Variants in EPB41L2 observed in about 807,000 individuals in gnomAD.
EPB41L2 encodes the protein band 4.1-like protein 2.
In EPB41L2, 43 loss-of-function variants were observed where a neutral mutation model predicts 113.0. The ratio of observed to expected loss-of-function variants is 0.38; its 90% confidence interval spans 0.30 to 0.49. The LOEUF (loss-of-function observed/expected upper bound fraction) is 0.49. Among genes scored for constraint, EPB41L2 ranks in the 20% least tolerant of loss-of-function variants. The pLI, the probability that EPB41L2 is intolerant of heterozygous loss-of-function variation, is 0.95. For missense variants in EPB41L2, 1,147 were observed against 1,223.4 expected (o/e 0.94, Z 0.93); for synonymous variants, 442 against 436.7 (o/e 1.01, Z -0.15).
chr6:130,971,068 C>T (rs545916849), intron 1 of EPB41L2, among the ~76,000 whole-genome samples: 6 of 152,054 alleles, frequency 3.9e-5, no homozygotes, highest in Admixed American at 6.6e-5. Context: ...GATTTTTTTA[C>T]GTTTTTGTAG....
At chr6:130,872,864 C>A (rs1786217495) in intron 14 of EPB41L2, among the ~76,000 whole-genome samples, 1 of 152,206 alleles carries the variant, frequency 6.6e-6, no homozygotes, top group South Asian at 2.1e-4. Flanking sequence ...CCTTTCTCTG[C>A]ACGGAATGGC....
intron 3 of EPB41L2, among the ~76,000 whole-genome samples, chr6:130,952,809 C>CAA (rs200951794): frequency 7.8e-5 from 11 of 140,800 alleles, no homozygotes; most frequent in South Asian, 6.7e-4. Context: ...GACTCCATCT[C>CAA]AAAAAAAAAA....
chr6:130,882,885 C>G (rs1197642066), intron 12 of EPB41L2: 1 of 152,732 alleles, frequency 6.5e-6, no homozygotes, highest in Non-Finnish European at 1.5e-5. Flanking sequence ...TCGTCAGCTG[C>G]TTTAAGAGTC....
chr6:130,853,004 A>T (rs1779199757), intron 19 of EPB41L2, among the ~76,000 whole-genome samples: 1 of 152,188 alleles, frequency 6.6e-6, no homozygotes, highest in South Asian at 2.1e-4. Flanking sequence ...TTCCCATTAC[A>T]CGAGGTTCAG....
chr6:131,060,319 G>A (rs1385139670), intron 1 of EPB41L2, among the ~76,000 whole-genome samples: 5 of 152,188 alleles, frequency 3.3e-5, no homozygotes, highest in Admixed American at 3.3e-4. Flanking sequence ...AATATGAGAG[G>A]GGTGATTCAG....
chr6:131,013,048 C>T (rs1353563946), intron 1 of EPB41L2, among the ~76,000 whole-genome samples: 1 of 152,094 alleles, frequency 6.6e-6, no homozygotes, highest in African/African-American at 2.4e-5. Flanking sequence ...AGCTATTTCC[C>T]CTATCCAGAG....
At chr6:130,994,304 C>A (rs1455810092) in intron 1 of EPB41L2, among the ~76,000 whole-genome samples, 1 of 152,068 alleles carries the variant, frequency 6.6e-6, no homozygotes, top group East Asian at 1.9e-4. Flanking sequence ...AAGCTGAGAC[C>A]CAGAAAAACC....
chr6:131,050,427 T>C (rs556736135), intron 1 of EPB41L2, among the ~76,000 whole-genome samples: 17 of 152,188 alleles, frequency 1.1e-4, no homozygotes, highest in Non-Finnish European at 2.2e-4. Context: ...ACATCTTCTA[T>C]ATTAATGCAT....
intron 10 of EPB41L2, among the ~76,000 whole-genome samples, chr6:130,891,132 C>T (rs1248420276): frequency 6.6e-6 from 1 of 152,128 alleles, no homozygotes; most frequent in African/African-American, 2.4e-5. Flanking sequence ...CAAAAGTTGA[C>T]AAATATCTTA....
intron 3 of EPB41L2, among the ~76,000 whole-genome samples, chr6:130,931,448 G>A (rs1431212093): frequency 6.6e-6 from 1 of 152,096 alleles, no homozygotes; most frequent in Non-Finnish European, 1.5e-5. Context: ...ATGTGCTTTG[G>A]AGGCTTATTC....
In EPB41L2 at chr6:130,895,055, C is replaced by T. The variant is rs1794201201; in HGVS notation, c.1301G>A (p.Arg434Lys). The T allele has an allele frequency of 1.2e-6, 2 of 1,613,924 alleles. No individual in the cohort carries two copies. Among genetic ancestry groups the T allele is most frequent in the African/African-American group, 2.7e-5 (2 of 74,906 alleles). ...CCAAGCAAAACGATTGATTCGCAGT[C>T]TGTCTTTGTAAATGAGAAGTCCATT... is the stretch of plus-strand genomic sequence containing the variant. ...CANGLLIYKD[R>K]LRINRFAWPK... is the part of the protein sequence containing the mutation. Residue 434 changes from arginine (R) to lysine (K), a missense_variant, in exon 9 of 20, where the codon AGA (arginine) becomes AAA (lysine). By Grantham distance (26) the Arg-to-Lys change is conservative. Transcript: ENST00000337057.
intron 1 of EPB41L2, among the ~76,000 whole-genome samples, chr6:131,022,343 C>T (rs568638960): frequency 6.6e-6 from 1 of 152,128 alleles, no homozygotes; most frequent in African/African-American, 2.4e-5. Context: ...CACATGGTAA[C>T]GTGACACTGC....
chr6:130,914,001 T>TA (rs1192698536), intron 4 of EPB41L2, among the ~76,000 whole-genome samples: 1 of 152,140 alleles, frequency 6.6e-6, no homozygotes, highest in Non-Finnish European at 1.5e-5. Flanking sequence ...GTTTTAGACT[T>TA]AAAGATTTGT....
At chr6:130,850,224 G>A (rs1175689021) in intron 19 of EPB41L2, among the ~76,000 whole-genome samples, 3 of 152,084 alleles carry the variant, frequency 2.0e-5, no homozygotes. Flanking sequence ...CGCGACAAGA[G>A]GGAAACTCTG....
chr6:130,851,235 G>A (rs548092943), intron 19 of EPB41L2, among the ~76,000 whole-genome samples: 1 of 152,348 alleles, frequency 6.6e-6, no homozygotes, highest in South Asian at 2.1e-4. Context: ...CTCATGATTA[G>A]CTAGAGCTCA....
chr6:130,909,437 C>G (rs140801533), intron 4 of EPB41L2, among the ~76,000 whole-genome samples: 1 of 152,302 alleles, frequency 6.6e-6, no homozygotes, highest in African/African-American at 2.4e-5. Flanking sequence ...ATATAACACC[C>G]TTCTTTCTTC....
chr6:131,025,186 C>A (rs1790571920), intron 1 of EPB41L2, among the ~76,000 whole-genome samples: 1 of 152,098 alleles, frequency 6.6e-6, no homozygotes, highest in African/African-American at 2.4e-5. Context: ...ACTGTAGGTG[C>A]CTTTCTAAGG....
At chr6:130,844,120 G>A (rs2128396268) in intron 19 of EPB41L2, among the ~76,000 whole-genome samples, 1 of 152,282 alleles carries the variant, frequency 6.6e-6, no homozygotes, top group African/African-American at 2.4e-5. Flanking sequence ...CATCTAGAGA[G>A]AAGTCTCAAT....
Position 130,888,911 on chromosome 6 carries a change from T to G in EPB41L2, c.1660+1383A>C, listed in dbSNP as rs1226168711. The stretch of plus-strand genomic sequence containing the variant: ...ATATACCAAAATCCCAACCAACAAA[T>G]CCTGGCAAATATCTCTATGTGTCCA... On this transcript the variant is annotated intron_variant, in intron 11 of 19. Coordinates refer to ENST00000337057, the MANE Select transcript of EPB41L2 (RefSeq NM_001431.4). 7.9e-5 allele frequency among the ~76,000 whole-genome samples: 12 copies of G among 152,274 alleles called. No individual in the cohort carries two copies. In the Middle Eastern group the frequency reaches 0.01, roughly 129 times the overall value.
Sources: allele counts gnomAD v4.1 joint callset (sites outside exome capture counted in the v4.1 genomes callset), GRCh38; gene constraint gnomAD v4.1.1; transcripts MANE v1.5; gene names NCBI Gene and HGNC (gene_info 2026-07-23, HGNC 2026-07-21).